RANBP2: variants seen among roughly 807,000 people sequenced by gnomAD.
RANBP2 encodes E3 SUMO-protein ligase RanBP2.
RANBP2 carries 57 observed loss-of-function variants against 303.6 expected under a neutral mutation model. The observed-to-expected ratio is 0.19, with a 90% confidence interval of 0.15 to 0.23. RANBP2 has a LOEUF of 0.23. Ranked by LOEUF, RANBP2 falls within the 10% of genes least tolerant of loss-of-function variation. The pLI is 1.00. For missense variants in RANBP2, 3,138 were observed against 3,780.8 expected (o/e 0.83, Z 4.46); for synonymous variants, 1,167 against 1,301.5 (o/e 0.90, Z 2.23).
At chr2:109,177,480 C>T in the RANBP2 span, among the ~76,000 whole-genome samples, 7 of 152,112 alleles carry the variant, frequency 4.6e-5, no homozygotes, top group East Asian at 3.9e-4. Context: ...TTGGCAGCTC[C>T]GTGACTCCTT....
At chr2:109,590,049 TGTGTGTGTATATATATAC>T in the RANBP2 span, among the ~76,000 whole-genome samples, 27 of 145,072 alleles carry the variant, frequency 1.9e-4, no homozygotes, top group African/African-American at 6.9e-4. Context: ...CACATATATA[TGTGTGTGTATATATATAC>T]ACACACATAT....
the RANBP2 span, among the ~76,000 whole-genome samples, chr2:109,326,755 G>A: frequency 6.6e-6 from 1 of 152,198 alleles, no homozygotes; most frequent in African/African-American, 2.4e-5. Flanking sequence ...TGTTCTAAGT[G>A]GTTCTGGATA....
chr2:108,873,872 AGACCTTTCT>A, the RANBP2 span, among the ~76,000 whole-genome samples: 1 of 152,208 alleles, frequency 6.6e-6, no homozygotes, highest in East Asian at 1.9e-4. Flanking sequence ...AGCTTGATTT[AGACCTTTCT>A]GAATCCCATG....
the RANBP2 span, among the ~76,000 whole-genome samples, chr2:108,909,791 C>T: frequency 9.2e-5 from 14 of 152,322 alleles, no homozygotes; most frequent in Middle Eastern, 6.8e-3. Context: ...GTGGTAAACG[C>T]GGGAAAGGCT....
the RANBP2 span, among the ~76,000 whole-genome samples, chr2:109,622,957 T>C: frequency 1.3e-5 from 2 of 152,074 alleles, no homozygotes; most frequent in Non-Finnish European, 2.9e-5. Context: ...TGAAACCCTG[T>C]GTCTACTAAA....
chr2:109,626,547 A>C, the RANBP2 span, among the ~76,000 whole-genome samples: 5 of 152,204 alleles, frequency 3.3e-5, no homozygotes, highest in Non-Finnish European at 7.3e-5. Flanking sequence ...CACACCAGAC[A>C]GAACTGAACT....
At chr2:108,908,372 T>G in the RANBP2 span, among the ~76,000 whole-genome samples, 7 of 152,208 alleles carry the variant, frequency 4.6e-5, no homozygotes, top group African/African-American at 1.7e-4. Context: ...GTCCTAGATC[T>G]CTGTATTTAA....
At chr2:109,265,279 C>T in the RANBP2 span, among the ~76,000 whole-genome samples, 6 of 152,218 alleles carry the variant, frequency 3.9e-5, no homozygotes, top group South Asian at 8.3e-4. Flanking sequence ...GAGGGCAGCT[C>T]GTGGGCTGTG....
chr2:108,781,324 C>G lies in RANBP2; in HGVS notation c.8655C>G (p.Val2885=), dbSNP rs201471526. 2 of 1,613,916 alleles carry G rather than the reference C, an allele frequency of 1.2e-6. No homozygotes were observed. Among genetic ancestry groups the G allele is most frequent in the African/African-American group, 2.7e-5 (2 of 74,876 alleles). Reference sequence around the variant, plus strand: ...CAGCTGTGTTTGGAACACAGTCAGTCGGAACCCAGTCAGCCGGTAAAGTTG... The same window carrying G: ...CAGCTGTGTTTGGAACACAGTCAGTGGGAACCCAGTCAGCCGGTAAAGTTG... ...TGAAVFGTQS[V]GTQSAGKVGE... The change falls in exon 26 of 29, where the codon GTC becomes GTG. Residue 2885 remains valine (V), a synonymous_variant. Coordinates refer to ENST00000283195, the MANE Select transcript of RANBP2 (RefSeq NM_006267.5).
chr2:108,962,610 G>A, the RANBP2 span, among the ~76,000 whole-genome samples: 2 of 148,580 alleles, frequency 1.3e-5, no homozygotes, highest in Non-Finnish European at 3.0e-5. Flanking sequence ...AGGAGGCGGA[G>A]CTTGCAGAGA....
the RANBP2 span, among the ~76,000 whole-genome samples, chr2:109,528,297 C>T: frequency 6.6e-6 from 1 of 152,220 alleles, no homozygotes; most frequent in African/African-American, 2.4e-5. Context: ...CAGGCCCCAG[C>T]CCAGCACAAG....
At chr2:109,519,062 G>A in the RANBP2 span, among the ~76,000 whole-genome samples, 5 of 151,878 alleles carry the variant, frequency 3.3e-5, no homozygotes, top group African/African-American at 1.2e-4. Flanking sequence ...GGGATTACAG[G>A]TGCCCGCCAC....
the RANBP2 span, chr2:109,614,960 G>A: frequency 1.3e-6 from 2 of 1,526,896 alleles, no homozygotes; most frequent in Non-Finnish European, 1.8e-6. Context: ...GGAAGAACTC[G>A]CGGCGCGACG....
the RANBP2 span, among the ~76,000 whole-genome samples, chr2:109,012,929 C>A: frequency 5.9e-5 from 9 of 151,790 alleles, no homozygotes; most frequent in African/African-American, 9.7e-5. Flanking sequence ...ACAACAACAA[C>A]AAAAAAAACT....
chr2:109,285,402 T>C, the RANBP2 span, among the ~76,000 whole-genome samples: 1 of 152,350 alleles, frequency 6.6e-6, no homozygotes, highest in African/African-American at 2.4e-5. Context: ...TTGTCTTAAT[T>C]AGACTTGAGG....
At chr2:108,750,095 A>C (rs1675747800) in intron 9 of RANBP2, among the ~76,000 whole-genome samples, 2 of 152,254 alleles carry the variant, frequency 1.3e-5, no homozygotes, top group Admixed American at 1.3e-4. Flanking sequence ...GCAGTGAGCC[A>C]AGATCACACT....
intron 18 of RANBP2, among the ~76,000 whole-genome samples, chr2:108,759,715 T>A (rs940003248): frequency 2.6e-5 from 4 of 152,174 alleles, no homozygotes; most frequent in African/African-American, 9.7e-5. Context: ...CCTTGTTTTC[T>A]TAAAACCTTA....
intron 20 of RANBP2, among the ~76,000 whole-genome samples, chr2:108,770,720 AGATTT>A (rs1207470807): frequency 2.0e-5 from 3 of 152,262 alleles, no homozygotes; most frequent in African/African-American, 4.8e-5. Context: ...CTTTATTGAT[AGATTT>A]GATTTAACTT....
the RANBP2 span, among the ~76,000 whole-genome samples, chr2:109,520,673 A>C: frequency 1.5e-5 from 2 of 136,142 alleles, 1 homozygote; most frequent in African/African-American, 5.1e-5. Context: ...GCTCACGCCT[A>C]TAATCCCAGC....
Sources: allele counts gnomAD v4.1 joint callset (sites outside exome capture counted in the v4.1 genomes callset), GRCh38; gene constraint gnomAD v4.1.1; transcripts MANE v1.5; gene names NCBI Gene and HGNC (gene_info 2026-07-23, HGNC 2026-07-21).